HERC2: variants seen among roughly 807,000 people sequenced by gnomAD.
HERC2 encodes the protein E3 ubiquitin-protein ligase HERC2.
In HERC2, 102 loss-of-function variants were observed where a neutral mutation model predicts 537.7. That is an observed-to-expected ratio of 0.19 (90% CI 0.16 to 0.22). The LOEUF is 0.22. HERC2 is among the 10% of genes least tolerant of loss of function. The pLI, the probability that HERC2 is intolerant of heterozygous loss-of-function variation, is 1.00. For missense variants in HERC2, 4,236 were observed against 6,198.2 expected (o/e 0.68, Z 10.63); for synonymous variants, 2,224 against 2,466.2 (o/e 0.90, Z 2.91).
chr15:28,124,337 G>T, intron 84 of HERC2, 103 bp from the exon 85 acceptor site: 1 of 714,682 alleles, frequency 1.4e-6, no homozygotes, highest in Non-Finnish European at 2.1e-6. Context: ...CAAATACAGA[G>T]AAGCACTATG....
intron 48 of HERC2, among the ~76,000 whole-genome samples, chr15:28,200,714 C>CG (rs1808878229): frequency 6.6e-6 from 1 of 151,090 alleles, no homozygotes; most frequent in Admixed American, 6.6e-5. Flanking sequence ...TACAAGCAAG[C>CG]GTTAGATATG....
intron 10 of HERC2, among the ~76,000 whole-genome samples, 190 bp from the exon 11 acceptor site, chr15:28,269,626 T>C (rs1412488560): frequency 2.0e-5 from 3 of 152,246 alleles, no homozygotes; most frequent in Non-Finnish European, 2.9e-5. Context: ...ACTGAACAGG[T>C]TATTTTTCCA....
chr15:28,187,598 A>T (rs1429423809), intron 55 of HERC2, among the ~76,000 whole-genome samples: 1 of 152,122 alleles, frequency 6.6e-6, no homozygotes, highest in Non-Finnish European at 1.5e-5. Context: ...TTCCCAAAGT[A>T]CTGGGATTAC....
chr15:28,127,392 G>A (rs112586966), intron 83 of HERC2, among the ~76,000 whole-genome samples: 7 of 152,312 alleles, frequency 4.6e-5, no homozygotes, highest in African/African-American at 1.4e-4. Flanking sequence ...TGGCCAAATC[G>A]CCAGAAAAGA....
chr15:28,189,011 C>G (rs1896584218), intron 55 of HERC2, among the ~76,000 whole-genome samples: 1 of 152,066 alleles, frequency 6.6e-6, no homozygotes, highest in Non-Finnish European at 1.5e-5. Flanking sequence ...TCACTTGAAC[C>G]CAGGATGTGG....
At chr15:28,191,295 T>A in intron 53 of HERC2, 51 bp from the exon 54 acceptor site, 1 of 1,121,664 alleles carries the variant, frequency 8.9e-7, no homozygotes, top group Non-Finnish European at 1.3e-6. Flanking sequence ...TTCAGCTATA[T>A]TTTAGCTACT....
chr15:28,307,423 C>T (rs552228863), intron 2 of HERC2, among the ~76,000 whole-genome samples: 161 of 152,216 alleles, frequency 1.1e-3, no homozygotes, highest in African/African-American at 3.8e-3. Context: ...GTTTGGTTAG[C>T]TCCTTCTTTT....
intron 83 of HERC2, among the ~76,000 whole-genome samples, chr15:28,127,482 TCA>T (rs746028927): frequency 2.6e-5 from 4 of 152,348 alleles, no homozygotes; most frequent in Middle Eastern, 3.4e-3. Flanking sequence ...TGGTGTGAAC[TCA>T]CAGTTTTCAA....
rs61756156 is a variant in HERC2, at chr15:28,198,485, G to C, written c.7904C>G (p.Ser2635Cys). 5.6e-6 allele frequency: 9 copies of C among 1,613,918 alleles called. No homozygotes were observed. Among genetic ancestry groups the C allele is most frequent in the African/African-American group, 4.0e-5 (3 of 74,908 alleles). Reference sequence around the variant, plus strand: ...ATCACCAATCTTGATGTGAGAAGAAGAACTTGGTGGAGGATAGCCTACAGA... The same window carrying C: ...ATCACCAATCTTGATGTGAGAAGAACAACTTGGTGGAGGATAGCCTACAGA... ...VELIGYPPPS[S>C]SSHIKIGDKV... Residue 2635 changes from serine to cysteine, a missense_variant, in exon 50 of 93, where the codon TCT becomes TGT. Physicochemically the swap from Ser to Cys is moderately radical, Grantham distance 112. Transcript: ENST00000261609.
At chr15:28,222,824 G>A (rs8182077) in intron 35 of HERC2, among the ~76,000 whole-genome samples, 10,143 of 152,220 alleles carry the variant, frequency 0.067, 878 homozygotes, top group East Asian at 0.42. Flanking sequence ...GGGGGTGCCC[G>A]TGTGATCAGC....
chr15:28,292,225 A>T (rs890561593), intron 4 of HERC2, among the ~76,000 whole-genome samples: 8 of 80,750 alleles, frequency 9.9e-5, no homozygotes, highest in African/African-American at 3.4e-4. Flanking sequence ...GCCAAACTCC[A>T]TCTCCAAAAA....
At chr15:28,170,486 A>G (rs1260578936) in intron 65 of HERC2, among the ~76,000 whole-genome samples, 1 of 152,236 alleles carries the variant, frequency 6.6e-6, no homozygotes, top group African/African-American at 2.4e-5. Flanking sequence ...ACTTCAGCCT[A>G]AGTCTACACC....
intron 4 of HERC2, 53 bp from the exon 5 acceptor site, chr15:28,280,340 T>C: frequency 7.2e-7 from 1 of 1,395,056 alleles, no homozygotes; most frequent in Non-Finnish European, 9.9e-7. Flanking sequence ...GGCCACAGTT[T>C]GTTGCAATGT....
At chr15:28,154,390 A>C (rs1187765387) in intron 69 of HERC2, among the ~76,000 whole-genome samples, 1 of 152,206 alleles carries the variant, frequency 6.6e-6, no homozygotes, top group Non-Finnish European at 1.5e-5. Flanking sequence ...CAGGACACAG[A>C]AATAGCCATC....
chr15:28,171,429 GT>G (rs1701317624), intron 65 of HERC2, among the ~76,000 whole-genome samples: 1 of 152,136 alleles, frequency 6.6e-6, no homozygotes, highest in South Asian at 2.1e-4. Context: ...GAAGATGAGA[GT>G]CAAGCATTAT....
chr15:28,136,785 C>T (rs1039428922), intron 78 of HERC2, among the ~76,000 whole-genome samples: 5 of 152,168 alleles, frequency 3.3e-5, no homozygotes. Context: ...TACCATTGTG[C>T]CCTTTACAGA....
chr15:28,272,854 G>A (rs2075774898), intron 8 of HERC2, 40 bp downstream of exon 8: 1 of 1,351,386 alleles, frequency 7.4e-7, no homozygotes, highest in South Asian at 1.2e-5. Context: ...TCCATACACA[G>A]GCGCTTCCCC....
chr15:28,240,326 G>A (rs907901420), intron 23 of HERC2, among the ~76,000 whole-genome samples: 3 of 152,178 alleles, frequency 2.0e-5, no homozygotes, highest in South Asian at 2.1e-4. Context: ...GCTGAGGCAG[G>A]AGAATGGCAT....
chr15:28,289,200 T>TA (rs1286610560), intron 4 of HERC2, among the ~76,000 whole-genome samples: 2 of 152,022 alleles, frequency 1.3e-5, no homozygotes, highest in African/African-American at 4.8e-5. Flanking sequence ...AATTATATGA[T>TA]ACCTGAAAGA....
Sources: gnomAD v4.1 joint callset for allele counts (sites outside exome capture counted in the v4.1 genomes callset) on GRCh38, gnomAD v4.1.1 for gene constraint, MANE v1.5 for transcripts, NCBI Gene and HGNC (gene_info 2026-07-23, HGNC 2026-07-21) for gene names.